Variants in ABCG8 observed in about 807,000 individuals in gnomAD.
ABCG8 encodes ATP-binding cassette sub-family G member 8.
Under a neutral mutation model 71.3 loss-of-function variants are expected in ABCG8, and 81 were observed. The ratio of observed to expected loss-of-function variants is 1.14; its 90% CI spans 0.95 to 1.37. The LOEUF (loss-of-function observed/expected upper bound fraction) is 1.37, where lower values mean the gene tolerates loss of function less well. Ranked by LOEUF, ABCG8 falls within the 40% of genes most tolerant of loss-of-function variation. The probability of loss-of-function intolerance (pLI) is 0.00; values close to 1 mark genes in which losing one functional copy is unlikely to be tolerated. For missense variants in ABCG8, 1,119 were observed against 866.2 expected (o/e 1.29, Z -3.66); for synonymous variants, 451 against 354.7 (o/e 1.27, Z -3.05).
chr2:43,863,539 TCACC>T (rs1669408888), intron 6 of ABCG8, among the ~76,000 whole-genome samples: 1 of 151,316 alleles, frequency 6.6e-6, no homozygotes, highest in African/African-American at 2.4e-5. Context: ...GATAGAATTC[TCACC>T]CTCTGGATAG....
chr2:43,848,977 G>A (rs1476116114), intron 3 of ABCG8, among the ~76,000 whole-genome samples: 1 of 138,816 alleles, frequency 7.2e-6, no homozygotes, highest in Non-Finnish European at 1.5e-5. Flanking sequence ...AGCTGAGATT[G>A]CACCATTGCA....
intron 6 of ABCG8, among the ~76,000 whole-genome samples, chr2:43,865,934 T>G (rs899116003): frequency 6.9e-6 from 1 of 145,070 alleles, no homozygotes; most frequent in Non-Finnish European, 1.5e-5. Context: ...TCTATCTGGA[T>G]AGAATTCTCA....
At chr2:43,855,063 G>T (rs745433248) in intron 6 of ABCG8, among the ~76,000 whole-genome samples, 1 of 152,206 alleles carries the variant, frequency 6.6e-6, no homozygotes, top group Non-Finnish European at 1.5e-5. Context: ...TTTCGGCAGG[G>T]TGCCTGGGAG....
At chr2:43,858,267 T>C (rs763399597) in intron 6 of ABCG8, among the ~76,000 whole-genome samples, 7 of 151,408 alleles carry the variant, frequency 4.6e-5, no homozygotes. Context: ...ACCATCTGAA[T>C]TGAACTCTCA....
intron 6 of ABCG8, among the ~76,000 whole-genome samples, chr2:43,856,821 T>C (rs1242603974): frequency 6.6e-6 from 1 of 151,796 alleles, no homozygotes; most frequent in Non-Finnish European, 1.5e-5. Flanking sequence ...ACCCTCTGGA[T>C]AGAACGCTCA....
chr2:43,853,732 ATGAGAAGCC>A (rs1186826313), intron 6 of ABCG8, among the ~76,000 whole-genome samples: 1 of 152,178 alleles, frequency 6.6e-6, no homozygotes, highest in East Asian at 1.9e-4. Context: ...ATCTTTACAG[ATGAGAAGCC>A]TGGAGCTTGC....
At chr2:43,859,383 G>C (rs916225338) in intron 6 of ABCG8, among the ~76,000 whole-genome samples, 1 of 149,272 alleles carries the variant, frequency 6.7e-6, no homozygotes, top group Non-Finnish European at 1.5e-5. Context: ...TTCACCATCT[G>C]GATAGCGCTC....
chr2:43,844,580 C>A lies in ABCG8; in HGVS notation c.137C>A (p.Thr46Asn), dbSNP rs1386299406. The change falls in exon 2 of 13, where the codon ACC (threonine) becomes AAC (asparagine). Residue 46 changes from threonine (T) to asparagine (N), a missense_variant. Transcript: ENST00000272286. ...LYFTYSGQPN[T>N]LEVRDLNYQV... is the part of the protein sequence containing the mutation. ...TTCACCTACAGTGGCCAGCCCAACA[C>A]CCTGGAGGTCAGAGACCTCAACTAC... 1.2e-6 allele frequency: 2 copies of A among 1,614,150 alleles called. No homozygotes were observed. The highest frequency in any genetic ancestry group is 1.7e-6 in the Non-Finnish European group (2 of 1,180,008).
rs539206854 is a variant in ABCG8, at chr2:43,854,870, G to A, written c.964+2002G>A. On this transcript the variant is annotated intron_variant, in intron 6 of 12. Coordinates refer to ENST00000272286, the MANE Select transcript of ABCG8 (RefSeq NM_022437.3). ...CTGCAAGAGGACAGCTGTGGTGTGGGGTTGCCTGGTGCTCCCTACAGGTTA... is the reference window on the plus strand; with the variant it reads ...CTGCAAGAGGACAGCTGTGGTGTGGAGTTGCCTGGTGCTCCCTACAGGTTA... 3.3e-5 allele frequency among the ~76,000 whole-genome samples: 5 copies of A among 152,272 alleles called. No individual in the cohort carries two copies. The East Asian group carries it at 9.7e-4, about 29-fold the overall frequency.
At chr2:43,844,405 T>C (rs1668673806) in intron 1 of ABCG8, 102 bp from the exon 2 acceptor site, 6 of 889,580 alleles carry the variant, frequency 6.7e-6, no homozygotes, top group Admixed American at 4.0e-5. Flanking sequence ...TTTAACCACG[T>C]CGGCTCTAAG....
At position 43,874,407 on chromosome 2, in the gene ABCG8, G is replaced by T. The variant is rs192448112; in HGVS notation, c.1412G>T (p.Cys471Phe). The change falls in exon 10 of 13, where the codon TGT becomes TTT. Residue 471 changes from cysteine (C) to phenylalanine (F), a missense_variant and splice_region_variant. By Grantham distance (205) the Cys-to-Phe change is radical. Coordinates refer to ENST00000272286, the MANE Select transcript of ABCG8 (RefSeq NM_022437.3). ...TCTTTTCCTTTCCCTTACTTTTTAG[G>T]TTACTCAGAGAGGGCAATGCTTTAC... is the stretch of plus-strand genomic sequence containing the variant. ...FNVILDVISK[C>F]YSERAMLYYE... 6.2e-7 allele frequency: 1 copy of T among 1,606,212 alleles called. No individual in the cohort carries two copies. Among genetic ancestry groups the T allele is most frequent in the Non-Finnish European group, 8.5e-7 (1 of 1,173,008 alleles).
intron 11 of ABCG8, 46 bp from the exon 12 acceptor site, chr2:43,877,515 G>T: frequency 6.2e-7 from 1 of 1,612,156 alleles, no homozygotes; most frequent in South Asian, 1.1e-5. Flanking sequence ...GGGAAACCAT[G>T]AGAATATGAG....
intron 6 of ABCG8, among the ~76,000 whole-genome samples, chr2:43,864,208 C>T (rs1011745379): frequency 5.3e-5 from 8 of 151,410 alleles, no homozygotes; most frequent in Non-Finnish European, 1.5e-5. Context: ...ATAGAATTCC[C>T]ACGATCTGGA....
At chr2:43,855,698 C>A (rs997321410) in intron 6 of ABCG8, among the ~76,000 whole-genome samples, 1 of 151,882 alleles carries the variant, frequency 6.6e-6, no homozygotes, top group Non-Finnish European at 1.5e-5. Context: ...TTCTCACCAT[C>A]GGGATAGAAC....
chr2:43,876,128 C>T (rs901631871), intron 11 of ABCG8, among the ~76,000 whole-genome samples: 1 of 152,190 alleles, frequency 6.6e-6, no homozygotes, highest in African/African-American at 2.4e-5. Flanking sequence ...TGAGTCTCCT[C>T]AGCCCACACA....
rs753067977 is a variant in ABCG8, at chr2:43,878,301, C to G, written c.*388C>G. 1 of 316,014 alleles carries G rather than the reference C, an allele frequency of 3.2e-6. No individual in the cohort carries two copies. The highest frequency in any genetic ancestry group is 6.2e-6 in the Non-Finnish European group (1 of 160,802). The allele number at this position is 316,014 out of a possible 1,614,324, so 19.6% of individuals were successfully genotyped here. On this transcript the variant is annotated 3_prime_UTR_variant, in exon 13 of 13. Transcript: ENST00000272286. ...AACCTGGAGGGAACAATAACAGTAGCTAGCAGATTTGGCTTCATCTTCCAG... is the reference window on the plus strand; with the variant it reads ...AACCTGGAGGGAACAATAACAGTAGGTAGCAGATTTGGCTTCATCTTCCAG...
rs1401668911 is a variant in ABCG8 at position 43,879,547 on chromosome 2, T to A, written c.*1634T>A. On this transcript the variant is annotated 3_prime_UTR_variant, in exon 13 of 13. Coordinates refer to ENST00000272286, the MANE Select transcript of ABCG8 (RefSeq NM_022437.3). ...TCCAAAGCACTTGCAACACTCAGGA[T>A]GCTTGCACGGTCATGTTGCCACCAT... 2.0e-5 allele frequency: 3 copies of A among 152,216 alleles called. No individual in the cohort carries two copies. Among genetic ancestry groups the A allele is most frequent in the Non-Finnish European group, 4.4e-5 (3 of 68,052 alleles). 9.4% of individuals were successfully genotyped at this position (152,216 alleles called of 1,614,324 possible). A position where few individuals can be genotyped will look rare whatever the true frequency, so the allele number is the denominator to read the frequency against.
Position 43,881,869 on chromosome 2 carries a change from C to T in ABCG8, c.*3956C>T, listed in dbSNP as rs891764304. The T allele has an allele frequency of 2.6e-5, 4 of 152,170 alleles. No individual in the cohort carries two copies. Among genetic ancestry groups the T allele is most frequent in the East Asian group, 1.9e-4 (1 of 5,194 alleles). The allele number at this position is 152,170 out of a possible 1,614,324, so 9.4% of individuals were successfully genotyped here. Reference sequence around the variant, plus strand: ...GTCAGATAGTAAATATTTGGGACTTCGTGGGCCTTATAGGCTCTGCTGCAA... The same window carrying T: ...GTCAGATAGTAAATATTTGGGACTTTGTGGGCCTTATAGGCTCTGCTGCAA... On this transcript the variant is annotated 3_prime_UTR_variant, in exon 13 of 13. Coordinates refer to ENST00000272286, the MANE Select transcript of ABCG8 (RefSeq NM_022437.3).
chr2:43,877,555 C>G lies in ABCG8; in HGVS notation c.1757-6C>G. The G allele has an allele frequency of 6.2e-7, 1 of 1,613,738 alleles. No homozygotes were observed. Among genetic ancestry groups the G allele is most frequent in the Non-Finnish European group, 8.5e-7 (1 of 1,179,992 alleles). Reference sequence around the variant, plus strand: ...ACCTGTGAGTAACGCGGCTGTCTGTCTCCAGTGCCCGCGTGGATTTCCAAA... The same window carrying G: ...ACCTGTGAGTAACGCGGCTGTCTGTGTCCAGTGCCCGCGTGGATTTCCAAA... On this transcript the variant is annotated splice_region_variant and splice_polypyrimidine_tract_variant and intron_variant, in intron 11 of 12. Coordinates refer to ENST00000272286, the MANE Select transcript of ABCG8 (RefSeq NM_022437.3).
Sources: gnomAD v4.1 joint callset for allele counts (sites outside exome capture counted in the v4.1 genomes callset) on GRCh38, gnomAD v4.1.1 for gene constraint, MANE v1.5 for transcripts, NCBI Gene and HGNC (gene_info 2026-07-23, HGNC 2026-07-21) for gene names.